LYPD6: variants seen among roughly 807,000 people sequenced by gnomAD.
The protein encoded by LYPD6 is LY6/PLAUR domain containing 6.
In LYPD6, 15 loss-of-function variants were observed where a neutral mutation model predicts 22.7. The observed-to-expected ratio is 0.66, with a 90% CI of 0.44 to 1.02. LYPD6 has a LOEUF of 1.02. Ranked by LOEUF, LYPD6 falls within the 50% of genes least tolerant of loss-of-function variation. The pLI is 0.00. For synonymous variants in LYPD6, 72 were observed against 77.5 expected (o/e 0.93, Z 0.37); for missense variants, 189 against 208.4 (o/e 0.91, Z 0.57).
chr2:149,453,085 T>C (rs1326887027), intron 3 of LYPD6, among the ~76,000 whole-genome samples: 1 of 152,244 alleles, frequency 6.6e-6, no homozygotes, highest in East Asian at 1.9e-4. Flanking sequence ...ATTTCATCTT[T>C]GATCTCTGAG....
chr2:149,405,440 A>G (rs899741370), intron 1 of LYPD6, among the ~76,000 whole-genome samples: 49 of 152,230 alleles, frequency 3.2e-4, no homozygotes, highest in African/African-American at 1.0e-3. Flanking sequence ...CAGGGATTCA[A>G]CTTCTTCCTG....
intron 1 of LYPD6, among the ~76,000 whole-genome samples, chr2:149,400,720 A>G (rs1253027148): frequency 6.6e-6 from 1 of 152,252 alleles, no homozygotes; most frequent in Non-Finnish European, 1.5e-5. Context: ...AGAGTGAAAG[A>G]TTCAGAAAGT....
intron 2 of LYPD6, among the ~76,000 whole-genome samples, chr2:149,445,441 A>G (rs1346769398): frequency 6.6e-6 from 1 of 152,228 alleles, no homozygotes; most frequent in East Asian, 1.9e-4. Flanking sequence ...AAAGTCCTAG[A>G]TGTCATCTTC....
At chr2:149,413,114 T>TA (rs1682888485) in intron 1 of LYPD6, among the ~76,000 whole-genome samples, 1 of 152,192 alleles carries the variant, frequency 6.6e-6, no homozygotes, top group African/African-American at 2.4e-5. Flanking sequence ...CAACACATCT[T>TA]TAAGTACCAT....
chr2:149,375,535 T>C (rs933484158), intron 1 of LYPD6, among the ~76,000 whole-genome samples: 2 of 152,188 alleles, frequency 1.3e-5, no homozygotes, highest in Admixed American at 6.5e-5. Flanking sequence ...GGTCTAAAAA[T>C]AGATTTAGAA....
chr2:149,448,551 C>A (rs1361044444), intron 2 of LYPD6, among the ~76,000 whole-genome samples: 1 of 152,100 alleles, frequency 6.6e-6, no homozygotes, highest in Non-Finnish European at 1.5e-5. Context: ...CCACCCCTAC[C>A]CCCACCTCTG....
At chr2:149,366,885 T>C (rs1681681819) in intron 1 of LYPD6, among the ~76,000 whole-genome samples, 1 of 152,178 alleles carries the variant, frequency 6.6e-6, no homozygotes. Flanking sequence ...CCCCCCCACT[T>C]CATTTTACAC....
At chr2:149,385,689 C>T (rs749773972) in intron 1 of LYPD6, among the ~76,000 whole-genome samples, 12 of 152,170 alleles carry the variant, frequency 7.9e-5, no homozygotes, top group Non-Finnish European at 1.6e-4. Context: ...TGTTTGTGCT[C>T]ATTCTGGAAC....
intron 1 of LYPD6, among the ~76,000 whole-genome samples, chr2:149,372,459 G>T (rs965380047): frequency 6.6e-6 from 1 of 152,186 alleles, no homozygotes; most frequent in South Asian, 2.1e-4. Context: ...AAATACTGTT[G>T]TCTTAAATAC....
At chr2:149,424,855 A>G (rs932440414) in intron 1 of LYPD6, among the ~76,000 whole-genome samples, 1 of 152,150 alleles carries the variant, frequency 6.6e-6, no homozygotes, top group Non-Finnish European at 1.5e-5. Flanking sequence ...GATGCTTCTC[A>G]TTGCTGCTGG....
chr2:149,347,889 A>C (rs758867017), intron 1 of LYPD6, among the ~76,000 whole-genome samples: 16 of 152,044 alleles, frequency 1.1e-4, no homozygotes, highest in Non-Finnish European at 1.9e-4. Flanking sequence ...GGCAACAAGT[A>C]CTTTTTTTCT....
intron 1 of LYPD6, among the ~76,000 whole-genome samples, chr2:149,384,382 G>A (rs542595606): frequency 5.3e-5 from 8 of 152,312 alleles, no homozygotes; most frequent in African/African-American, 1.9e-4. Context: ...AGAAATACCT[G>A]GATGTCTGTG....
chr2:149,346,100 G>T (rs1178193512), intron 1 of LYPD6, among the ~76,000 whole-genome samples: 1 of 152,092 alleles, frequency 6.6e-6, no homozygotes, highest in African/African-American at 2.4e-5. Context: ...TGAATAAATT[G>T]TTAATGATAA....
chr2:149,424,025 A>G (rs973508965), intron 1 of LYPD6, among the ~76,000 whole-genome samples: 12 of 152,302 alleles, frequency 7.9e-5, no homozygotes, highest in Admixed American at 3.3e-4. Flanking sequence ...TCCCCGAAAG[A>G]TGCCATCGTC....
At chr2:149,455,929 T>C (rs527626182) in intron 3 of LYPD6, among the ~76,000 whole-genome samples, 1 of 152,346 alleles carries the variant, frequency 6.6e-6, no homozygotes, top group Non-Finnish European at 1.5e-5. Context: ...AAGTCTCCAT[T>C]TGGCAGCTTC....
At chr2:149,402,787 T>A (rs1471510571) in intron 1 of LYPD6, among the ~76,000 whole-genome samples, 3 of 152,102 alleles carry the variant, frequency 2.0e-5, no homozygotes, top group East Asian at 1.9e-4. Flanking sequence ...CGTGCAGGTT[T>A]GTTACATATG....
intron 3 of LYPD6, chr2:149,464,123 A>AC (rs1558817210): frequency 2.4e-6 from 1 of 423,360 alleles, no homozygotes; most frequent in Admixed American, 3.5e-5. Flanking sequence ...TAAAAAAAAA[A>AC]AAAACAGTTT....
the LYPD6 span, among the ~76,000 whole-genome samples, chr2:149,479,906 G>A: frequency 2.6e-5 from 4 of 152,162 alleles, no homozygotes; most frequent in South Asian, 8.3e-4. Flanking sequence ...CCCTCTCTAT[G>A]GGCCAGCAAG....
chr2:149,362,486 A>G (rs1401577777), intron 1 of LYPD6, among the ~76,000 whole-genome samples: 1 of 152,114 alleles, frequency 6.6e-6, no homozygotes, highest in Non-Finnish European at 1.5e-5. Flanking sequence ...AGAACTTAGA[A>G]AGGTCTGTTT....
Sources: allele counts gnomAD v4.1 joint callset (sites outside exome capture counted in the v4.1 genomes callset), GRCh38; gene constraint gnomAD v4.1.1; transcripts MANE v1.5; gene names NCBI Gene and HGNC (gene_info 2026-07-23, HGNC 2026-07-21).